The following AP3S2 variants were observed in gnomAD, a reference collection of about 807,000 sequenced individuals.
AP3S2 encodes the protein adaptor related protein complex 3 subunit sigma 2.
AP3S2 carries 22 observed loss-of-function variants against 23.4 expected under a neutral mutation model. The ratio of observed to expected loss-of-function variants is 0.94; its 90% CI spans 0.67 to 1.34. The LOEUF (loss-of-function observed/expected upper bound fraction) is 1.34, where lower values mean the gene tolerates loss of function less well. Among genes scored for constraint, AP3S2 ranks in the 40% most tolerant of loss-of-function variants. The pLI is 0.00. For missense variants in AP3S2, 241 were observed against 236.9 expected, an observed-to-expected ratio of 1.02 and a Z score of -0.11; for synonymous variants, 86 against 87.1, an observed-to-expected ratio of 0.99 and a Z score of 0.07.
intron 1 of AP3S2, among the ~76,000 whole-genome samples, chr15:89,890,906 T>C (rs1050202733): frequency 6.6e-6 from 1 of 152,232 alleles, no homozygotes; most frequent in Non-Finnish European, 1.5e-5. Context: ...TTGCTAATCA[T>C]TGGTCACTAC....
intron 3 of AP3S2, among the ~76,000 whole-genome samples, chr15:89,887,877 G>C (rs1340086738): frequency 6.6e-6 from 1 of 152,134 alleles, no homozygotes; most frequent in African/African-American, 2.4e-5. Flanking sequence ...CACCACATTG[G>C]CCAGGTTGGT....
At chr15:89,851,596 C>G (rs1895656611) in intron 4 of AP3S2, among the ~76,000 whole-genome samples, 1 of 152,146 alleles carries the variant, frequency 6.6e-6, no homozygotes, top group Non-Finnish European at 1.5e-5. Flanking sequence ...CTCGGCCTCC[C>G]AAAGTGCTGG....
chr15:89,857,293 T>C (rs1291520780), intron 4 of AP3S2, among the ~76,000 whole-genome samples: 2 of 152,196 alleles, frequency 1.3e-5, no homozygotes, highest in East Asian at 1.9e-4. Flanking sequence ...ATGAGCTTCT[T>C]ACAGGTAGAA....
intron 3 of AP3S2, among the ~76,000 whole-genome samples, chr15:89,872,714 G>A (rs889558602): frequency 2.0e-5 from 3 of 152,200 alleles, no homozygotes; most frequent in Non-Finnish European, 4.4e-5. Flanking sequence ...GGCTGCTGGG[G>A]AGACAGACCC....
chr15:89,877,412 CTCTT>C (rs1193633929), intron 3 of AP3S2: 23 of 1,289,570 alleles, frequency 1.8e-5, no homozygotes, highest in Non-Finnish European at 2.3e-5. Context: ...TTCTTCCTCT[CTCTT>C]TTTTTAAGCT....
chr15:89,857,001 T>C (rs1217382621), intron 4 of AP3S2, among the ~76,000 whole-genome samples: 1 of 152,208 alleles, frequency 6.6e-6, no homozygotes, highest in Non-Finnish European at 1.5e-5. Flanking sequence ...AAGTATTACA[T>C]ACTGACACTA....
intron 3 of AP3S2, among the ~76,000 whole-genome samples, chr15:89,875,579 T>G (rs374943530): frequency 6.6e-4 from 97 of 146,924 alleles, no homozygotes; most frequent in African/African-American, 2.2e-3. Flanking sequence ...CTACAACAAA[T>G]CCTCTAAGAA....
chr15:89,862,006 T>C (rs548547157), intron 4 of AP3S2, among the ~76,000 whole-genome samples: 1 of 152,084 alleles, frequency 6.6e-6, no homozygotes, highest in South Asian at 2.1e-4. Context: ...CCACTGTGGC[T>C]AGAGCAGAAA....
rs1467162191 is a variant in AP3S2, at chr15:89,831,576, C to A, written c.*3939G>T. ...CAGACAGCCACGCTGAAAGCCCTTA[C>A]TAGAGACTGGTCCACAAGATCAGAT... On this transcript the variant is annotated 3_prime_UTR_variant, in exon 6 of 6. Coordinates refer to ENST00000336418, the MANE Select transcript of AP3S2 (RefSeq NM_005829.5). The A allele has an allele frequency of 6.6e-6, 1 of 152,320 alleles. No homozygotes were observed. The highest frequency in any genetic ancestry group is 1.9e-4 in the East Asian group (1 of 5,198). 9.4% of individuals were successfully genotyped at this position (152,320 alleles called of 1,614,324 possible).
Position 89,840,067 on chromosome 15 carries a change from T to C in AP3S2, c.346-2345A>G, listed in dbSNP as rs551554672. Reference sequence around the variant, plus strand: ...CCATGAGGCAGGGGGAAGAGGACAGTGGTGGCTATTGTTTAATGTGTACAG... The same window carrying C: ...CCATGAGGCAGGGGGAAGAGGACAGCGGTGGCTATTGTTTAATGTGTACAG... On this transcript the variant is annotated intron_variant, in intron 4 of 5. Coordinates refer to ENST00000336418, the MANE Select transcript of AP3S2 (RefSeq NM_005829.5). 3.5e-4 allele frequency among the ~76,000 whole-genome samples: 53 copies of C among 152,146 alleles called. 1 individual carries two copies. The South Asian group carries it at 0.011, about 31-fold the overall frequency.
chr15:89,842,537 T>C (rs1895354348), intron 4 of AP3S2, among the ~76,000 whole-genome samples: 1 of 152,254 alleles, frequency 6.6e-6, no homozygotes, highest in Non-Finnish European at 1.5e-5. Context: ...TCCACATTAA[T>C]ATTTAATGCT....
chr15:89,871,321 A>G (rs1896313358), intron 4 of AP3S2, among the ~76,000 whole-genome samples, 154 bp downstream of exon 4: 1 of 152,178 alleles, frequency 6.6e-6, no homozygotes. Flanking sequence ...CAAAACCCAA[A>G]CTATTAAATC....
At chr15:89,840,835 G>A (rs928069846) in intron 4 of AP3S2, among the ~76,000 whole-genome samples, 15 of 152,168 alleles carry the variant, frequency 9.9e-5, no homozygotes. Context: ...GCTGATTCCG[G>A]AGCTCATGTT....
intron 3 of AP3S2, among the ~76,000 whole-genome samples, chr15:89,874,611 C>CAAAAAAATAAAAAT (rs1555447668): frequency 6.6e-6 from 1 of 151,770 alleles, no homozygotes; most frequent in East Asian, 1.9e-4. Context: ...ATCGTCTCCA[C>CAAAAAAATAAAAAT]AAAAAAATAA....
At chr15:89,888,796 C>T in intron 2 of AP3S2, 164 bp from the exon 3 acceptor site, 1 of 837,798 alleles carries the variant, frequency 1.2e-6, no homozygotes. Flanking sequence ...GGCAGAGGTA[C>T]CTAAAGCCAC....
rs529051326 is a variant in AP3S2, at chr15:89,893,815, G to A, written c.69+66C>T. On this transcript the variant is annotated intron_variant, in intron 1 of 5. Transcript: ENST00000336418. Reference sequence around the variant, plus strand: ...AGAGCGGTGCCCCCGGGCGCCGAGAGGCCAAAGAGGAGGGAAGACATAGTG... The same window carrying A: ...AGAGCGGTGCCCCCGGGCGCCGAGAAGCCAAAGAGGAGGGAAGACATAGTG... 2.4e-5 allele frequency: 37 copies of A among 1,518,302 alleles called. No homozygotes were observed. The East Asian group carries it at 5.9e-4, about 24-fold the overall frequency. The allele number at this position is 1,518,302 out of a possible 1,614,324, so 94.1% of individuals were successfully genotyped here. A position where few individuals can be genotyped will look rare whatever the true frequency, so the allele number is the denominator to read the frequency against.
intron 4 of AP3S2, among the ~76,000 whole-genome samples, chr15:89,849,961 A>G (rs2141849392): frequency 6.6e-6 from 1 of 152,106 alleles, no homozygotes; most frequent in South Asian, 2.1e-4. Context: ...GTTTGCTGAG[A>G]ATGGTGGTTT....
At chr15:89,873,331 C>T (rs1470881261) in intron 3 of AP3S2, among the ~76,000 whole-genome samples, 1 of 150,636 alleles carries the variant, frequency 6.6e-6, no homozygotes, top group Admixed American at 6.6e-5. Flanking sequence ...GTTGTCCACG[C>T]TGAAGTGCAG....
In AP3S2 at chr15:89,888,508, T is replaced by C. The variant is rs781158925; in HGVS notation, c.273+13A>G. ...CTCTAAAGCTGCTGCCATCATTAGC[T>C]GACTACACATACCTGGATGAGGTCC... On this transcript the variant is annotated intron_variant, in intron 3 of 5. Coordinates refer to ENST00000336418, the MANE Select transcript of AP3S2 (RefSeq NM_005829.5). The C allele has an allele frequency of 5.6e-6, 9 of 1,613,238 alleles. No individual in the cohort carries two copies. The highest frequency in any genetic ancestry group is 1.7e-5 in the Admixed American group (1 of 59,938).
Sources: allele counts gnomAD v4.1 joint callset (sites outside exome capture counted in the v4.1 genomes callset), GRCh38; gene constraint gnomAD v4.1.1; transcripts MANE v1.5; gene names NCBI Gene and HGNC (gene_info 2026-07-23, HGNC 2026-07-21).